The following PRPS2 variants were observed in gnomAD, a reference collection of about 807,000 sequenced individuals.
PRPS2 encodes the protein ribose-phosphate pyrophosphokinase 2.
For synonymous variants in PRPS2, 111 were observed against 115.3 expected, an observed-to-expected ratio of 0.96 and a Z score of 0.24; for missense variants, 104 against 271.5, an observed-to-expected ratio of 0.38 and a Z score of 4.34.
intron 2 of PRPS2, 71 bp from the exon 3 acceptor site, chrX:12,809,163 G>A: frequency 1.1e-6 from 1 of 949,675 alleles, no homozygotes; most frequent in East Asian, 3.2e-5. Context: ...TCCTTCTCAT[G>A]TACGTCTTAG....
Position 12,791,632 on chromosome X carries a change from C to G in PRPS2, c.122+13C>G. 1 of 1,119,031 alleles carries G rather than the reference C, an allele frequency of 8.9e-7. No individual in the cohort carries two copies. The allele number at this position is 1,119,031 out of a possible 1,213,427, so 92.2% of individuals were successfully genotyped here. A position where few individuals can be genotyped will look rare whatever the true frequency, so the allele number is the denominator to read the frequency against. The stretch of plus-strand genomic sequence containing the variant: ...ACCAGGAGACCAGGTGGGGGCCGCG[C>G]CGGCGGCCGGGCTAGGGAGAGCGCT... On this transcript the variant is annotated intron_variant, in intron 1 of 6. Coordinates refer to ENST00000380668, the MANE Select transcript of PRPS2 (RefSeq NM_002765.5).
At chrX:12,822,134 C>T (rs1402426106) in intron 6 of PRPS2, among the ~76,000 whole-genome samples, 1 of 112,167 alleles carries the variant, frequency 8.9e-6, no homozygotes, top group African/African-American at 3.2e-5. Flanking sequence ...TGAAATCCAG[C>T]CTGTCATCTG....
intron 2 of PRPS2, among the ~76,000 whole-genome samples, chrX:12,806,114 A>G (rs1440974713): frequency 9.0e-6 from 1 of 111,312 alleles, no homozygotes; most frequent in African/African-American, 3.3e-5. Context: ...ATTGTGGGCA[A>G]GACTGGGAAT....
At chrX:12,799,780 T>C (rs1450452861) in intron 2 of PRPS2, among the ~76,000 whole-genome samples, 2 of 111,694 alleles carry the variant, frequency 1.8e-5, no homozygotes, top group East Asian at 5.6e-4. Context: ...TACTGTGTTA[T>C]AGTTTCACAA....
At chrX:12,805,860 G>A (rs373070227) in intron 2 of PRPS2, among the ~76,000 whole-genome samples, 34 of 111,974 alleles carry the variant, frequency 3.0e-4, no homozygotes, top group East Asian at 1.7e-3. Context: ...ATCACCTGAG[G>A]TCAGGAGTTC....
chrX:12,806,788 G>A (rs1001657665), intron 2 of PRPS2, among the ~76,000 whole-genome samples: 2 of 112,416 alleles, frequency 1.8e-5, no homozygotes, highest in African/African-American at 6.5e-5. Flanking sequence ...AATTTATAAA[G>A]AACAGAAATA....
intron 6 of PRPS2, among the ~76,000 whole-genome samples, chrX:12,821,664 T>C (rs757632802): frequency 7.8e-4 from 87 of 111,942 alleles, no homozygotes; most frequent in African/African-American, 2.4e-3. Context: ...CTATACTTGA[T>C]CTTAGCCAGA....
chrX:12,803,131 G>A (rs1250195912), intron 2 of PRPS2, among the ~76,000 whole-genome samples: 1 of 112,018 alleles, frequency 8.9e-6, no homozygotes, highest in African/African-American at 3.2e-5. Context: ...GTTGGCAGAG[G>A]AATATTCCTT....
chrX:12,800,911 T>C (rs1023362142), intron 2 of PRPS2, among the ~76,000 whole-genome samples: 2 of 111,778 alleles, frequency 1.8e-5, no homozygotes, highest in African/African-American at 3.3e-5. Context: ...AATGGCTATA[T>C]GGTCTGTGTT....
intron 1 of PRPS2, among the ~76,000 whole-genome samples, chrX:12,796,684 A>G (rs1397713980): frequency 9.0e-6 from 1 of 110,927 alleles, no homozygotes; most frequent in Non-Finnish European, 1.9e-5. Flanking sequence ...CCTAAAAATT[A>G]CCACGCTATG....
intron 2 of PRPS2, among the ~76,000 whole-genome samples, chrX:12,800,325 C>A (rs1363062197): frequency 3.6e-5 from 4 of 111,680 alleles, no homozygotes; most frequent in South Asian, 3.7e-4. Context: ...CTTCACCTGG[C>A]CTCTTCCCTG....
chrX:12,810,326 G>T lies in PRPS2; in HGVS notation c.530+180G>T. On this transcript the variant is annotated intron_variant, in intron 4 of 6. Coordinates refer to ENST00000380668, the MANE Select transcript of PRPS2 (RefSeq NM_002765.5). ...AACCCATCATCTTTGTTAATATTTCGTCATTCAGGAAAGAAGAAAATACAG... is the reference window on the plus strand; with the variant it reads ...AACCCATCATCTTTGTTAATATTTCTTCATTCAGGAAAGAAGAAAATACAG... 4 of 538,725 alleles carry T rather than the reference G, an allele frequency of 7.4e-6. 1 individual carries two copies. The highest frequency in any genetic ancestry group is 1.2e-5 in the Non-Finnish European group (4 of 346,986). 44.4% of individuals were successfully genotyped at this position (538,725 alleles called of 1,213,427 possible).
At chrX:12,817,031 G>A (rs1224340868) in intron 4 of PRPS2, among the ~76,000 whole-genome samples, 1 of 109,858 alleles carries the variant, frequency 9.1e-6, no homozygotes, top group African/African-American at 3.3e-5. Context: ...AAGCTTTCTT[G>A]GTCTTCTATA....
intron 1 of PRPS2, among the ~76,000 whole-genome samples, chrX:12,795,023 T>C (rs1361770714): frequency 2.7e-5 from 3 of 111,455 alleles, no homozygotes; most frequent in African/African-American, 9.8e-5. Context: ...TAGGGGAGAA[T>C]CTGTTCCCGT....
At chrX:12,811,512 A>G (rs1396648402) in intron 4 of PRPS2, among the ~76,000 whole-genome samples, 1 of 111,836 alleles carries the variant, frequency 8.9e-6, no homozygotes, top group African/African-American at 3.3e-5. Flanking sequence ...GAAGAAAAAA[A>G]GCTGGGAAGG....
chrX:12,810,866 AAG>A (rs1197076493), intron 4 of PRPS2, among the ~76,000 whole-genome samples: 29 of 106,065 alleles, frequency 2.7e-4, no homozygotes, highest in African/African-American at 9.2e-4. Context: ...AAAAAAAAAG[AAG>A]AAGAAGAAGA....
Position 12,808,288 on chromosome X carries a change from C to CTGTGTGTGTGTGTG in PRPS2, c.307-932_307-919dup, listed in dbSNP as rs60881280. Among the ~76,000 whole-genome samples the CTGTGTGTGTGTGTG allele has an allele frequency of 6.7e-3, 691 of 102,389 alleles. 7 individuals are homozygous for CTGTGTGTGTGTGTG. In the South Asian group the frequency reaches 0.081, roughly 12 times the overall value. The allele number at this position is 102,389 out of a possible 115,157, so 88.9% of individuals were successfully genotyped here. A position where few individuals can be genotyped will look rare whatever the true frequency, so the allele number is the denominator to read the frequency against. On this transcript the variant is annotated intron_variant, in intron 2 of 6. Transcript: ENST00000380668. Reference sequence around the variant, plus strand: ...CTGCATGTGTTTTTACATGAATATACTGTGTGTGTGTGTGTGTGTGTGTGT... The same window carrying CTGTGTGTGTGTGTG: ...CTGCATGTGTTTTTACATGAATATACTGTGTGTGTGTGTGTGTGTGTGTGTGTGTGTGTGTGTGT...
chrX:12,812,499 C>T (rs2042628913), intron 4 of PRPS2, among the ~76,000 whole-genome samples: 3 of 110,938 alleles, frequency 2.7e-5, no homozygotes, highest in African/African-American at 9.8e-5. Flanking sequence ...TGGTGGTGCA[C>T]GCCTGTAATT....
intron 4 of PRPS2, among the ~76,000 whole-genome samples, chrX:12,817,197 T>C (rs984139429): frequency 2.7e-5 from 3 of 110,633 alleles, no homozygotes; most frequent in Non-Finnish European, 3.8e-5. Context: ...AATATTGCAC[T>C]GAATGTTTGT....
Sources: allele counts gnomAD v4.1 joint callset (sites outside exome capture counted in the v4.1 genomes callset), GRCh38; gene constraint gnomAD v4.1.1; transcripts MANE v1.5; gene names NCBI Gene and HGNC (gene_info 2026-07-23, HGNC 2026-07-21).